CTNNA2: variants seen among roughly 807,000 people sequenced by gnomAD.
CTNNA2 encodes catenin alpha-2.
A neutral mutation model predicts 101.0 loss-of-function variants in CTNNA2; 42 were observed. That is an observed-to-expected ratio of 0.42 (90% CI 0.32 to 0.54). The LOEUF (loss-of-function observed/expected upper bound fraction) is 0.54, where lower values mean the gene tolerates loss of function less well. Among genes scored for constraint, CTNNA2 ranks in the 20% least tolerant of loss-of-function variants. The probability of loss-of-function intolerance (pLI) is 0.14; values close to 1 mark genes in which losing one functional copy is unlikely to be tolerated. For synonymous variants in CTNNA2, 450 were observed against 456.4 expected, an observed-to-expected ratio of 0.99 and a Z score of 0.18; for missense variants, 871 against 1,223.1, an observed-to-expected ratio of 0.71 and a Z score of 4.29.
intron 7 of CTNNA2, among the ~76,000 whole-genome samples, chr2:80,114,009 A>G (rs1701369730): frequency 6.6e-6 from 1 of 152,188 alleles, no homozygotes; most frequent in Non-Finnish European, 1.5e-5. Context: ...GTTTATGACC[A>G]TTTTATTATC....
chr2:80,212,897 T>C (rs1707996505), intron 7 of CTNNA2, among the ~76,000 whole-genome samples: 1 of 152,214 alleles, frequency 6.6e-6, no homozygotes, highest in Non-Finnish European at 1.5e-5. Context: ...CAGAGCCTGT[T>C]ATTGGTCTAT....
intron 4 of CTNNA2, among the ~76,000 whole-genome samples, chr2:79,451,534 T>C (rs1349419625): frequency 1.3e-5 from 2 of 151,888 alleles, no homozygotes; most frequent in African/African-American, 4.8e-5. Context: ...TGTAATATAA[T>C]CTCACTGTAC....
At chr2:79,914,929 G>A (rs11895129) in intron 7 of CTNNA2, among the ~76,000 whole-genome samples, 218 of 152,016 alleles carry the variant, frequency 1.4e-3, no homozygotes, top group African/African-American at 5.1e-3. Context: ...CATTGTCATA[G>A]CCTTTGTTAG....
At chr2:79,408,021 C>T (rs1301768165) in intron 4 of CTNNA2, among the ~76,000 whole-genome samples, 1 of 152,014 alleles carries the variant, frequency 6.6e-6, no homozygotes, top group East Asian at 1.9e-4. Flanking sequence ...GTCTGGACTT[C>T]CCAGACTGTC....
intron 9 of CTNNA2, among the ~76,000 whole-genome samples, chr2:80,537,880 A>G (rs1351979801): frequency 6.6e-6 from 1 of 152,094 alleles, no homozygotes; most frequent in Non-Finnish European, 1.5e-5. Context: ...AGCATGAGCC[A>G]CCACACCCGC....
chr2:79,637,627 G>C (rs1306056100), intron 1 of CTNNA2, among the ~76,000 whole-genome samples: 1 of 152,116 alleles, frequency 6.6e-6, no homozygotes, highest in Non-Finnish European at 1.5e-5. Flanking sequence ...AAACTGAAAG[G>C]TCAAAAATGG....
chr2:80,291,833 C>T (rs528741540), intron 7 of CTNNA2, among the ~76,000 whole-genome samples: 108 of 152,250 alleles, frequency 7.1e-4, no homozygotes, highest in African/African-American at 2.5e-3. Context: ...CACATGGCCA[C>T]GTGTATTCCA....
chr2:79,527,089 A>G (rs959140766), intron 1 of CTNNA2, among the ~76,000 whole-genome samples: 1 of 152,198 alleles, frequency 6.6e-6, no homozygotes, highest in African/African-American at 2.4e-5. Context: ...ATGGGAGAAC[A>G]TATTTACAAA....
intron 12 of CTNNA2, among the ~76,000 whole-genome samples, chr2:80,571,637 C>T (rs1224777572): frequency 6.6e-6 from 1 of 152,070 alleles, no homozygotes; most frequent in Non-Finnish European, 1.5e-5. Context: ...TGTTTCTTTT[C>T]CTACTCACAC....
intron 7 of CTNNA2, among the ~76,000 whole-genome samples, chr2:80,039,574 C>T (rs8179672): frequency 0.19 from 29,045 of 152,148 alleles, 2,878 homozygotes; most frequent in Middle Eastern, 0.25. Context: ...GCTGACCTAC[C>T]GCCCATCTTC....
intron 3 of CTNNA2, among the ~76,000 whole-genome samples, chr2:79,818,896 CA>C (rs1558549398): frequency 2.7e-5 from 1 of 37,726 alleles, no homozygotes; most frequent in Non-Finnish European, 3.9e-5. Flanking sequence ...GCACTAATAG[CA>C]CACACACACA....
chr2:79,354,688 T>A (rs573632336), intron 3 of CTNNA2, among the ~76,000 whole-genome samples: 3 of 152,088 alleles, frequency 2.0e-5, no homozygotes, highest in Non-Finnish European at 4.4e-5. Context: ...TTAACTATCC[T>A]TGGGCATCAT....
intron 3 of CTNNA2, among the ~76,000 whole-genome samples, chr2:79,826,729 AG>A (rs1678467606): frequency 6.6e-6 from 1 of 152,218 alleles, no homozygotes; most frequent in Non-Finnish European, 1.5e-5. Context: ...CATTTCAACA[AG>A]GGCTCTGTGT....
chr2:79,699,133 T>C (rs1684828998), intron 2 of CTNNA2, among the ~76,000 whole-genome samples: 1 of 152,112 alleles, frequency 6.6e-6, no homozygotes, highest in Non-Finnish European at 1.5e-5. Flanking sequence ...ACCTTTCCCA[T>C]ATGCCTGTAG....
At chr2:80,237,184 T>C (rs962007028) in intron 7 of CTNNA2, among the ~76,000 whole-genome samples, 3 of 152,146 alleles carry the variant, frequency 2.0e-5, no homozygotes, top group Non-Finnish European at 4.4e-5. Flanking sequence ...ATATTCTATA[T>C]GATTGAGTCA....
intron 5 of CTNNA2, among the ~76,000 whole-genome samples, chr2:79,507,276 C>A (rs1205365562): frequency 1.3e-5 from 2 of 152,150 alleles, no homozygotes; most frequent in African/African-American, 2.4e-5. Context: ...TTGAATGTGT[C>A]CCTTAATGTT....
At chr2:80,616,851 A>G (rs976192237) in intron 17 of CTNNA2, among the ~76,000 whole-genome samples, 1 of 151,720 alleles carries the variant, frequency 6.6e-6, no homozygotes, top group Non-Finnish European at 1.5e-5. Flanking sequence ...TAATATCACA[A>G]TCAATCATAC....
At chr2:79,620,556 C>T (rs1006657060) in intron 1 of CTNNA2, among the ~76,000 whole-genome samples, 2 of 152,186 alleles carry the variant, frequency 1.3e-5, no homozygotes, top group African/African-American at 4.8e-5. Context: ...GTCTCCCTAA[C>T]AGGGTACCTG....
At chr2:79,516,747 AG>A in intron 1 of CTNNA2, among the ~76,000 whole-genome samples, 1 of 152,250 alleles carries the variant, frequency 6.6e-6, no homozygotes, top group East Asian at 1.9e-4. Context: ...GAATATTCTT[AG>A]GTCTTTTCTT....
Sources: allele counts gnomAD v4.1 joint callset (sites outside exome capture counted in the v4.1 genomes callset), GRCh38; gene constraint gnomAD v4.1.1; transcripts MANE v1.5; gene names NCBI Gene and HGNC (gene_info 2026-07-23, HGNC 2026-07-21).